The following ZNF804B variants were observed in gnomAD, a reference collection of about 807,000 sequenced individuals.
ZNF804B encodes zinc finger 804B.
In ZNF804B, 80 loss-of-function variants were observed where a neutral mutation model predicts 101.4. The observed-to-expected ratio is 0.79, with a 90% confidence interval of 0.66 to 0.95. The LOEUF is 0.95. Ranked by LOEUF, ZNF804B falls within the 40% of genes least tolerant of loss-of-function variation. The pLI, the probability that ZNF804B is intolerant of heterozygous loss-of-function variation, is 0.00. For missense variants in ZNF804B, 1,673 were observed against 1,561.9 expected, an observed-to-expected ratio of 1.07 and a Z score of -1.20; for synonymous variants, 622 against 558.8, an observed-to-expected ratio of 1.11 and a Z score of -1.59.
intron 1 of ZNF804B, among the ~76,000 whole-genome samples, chr7:88,991,397 G>T (rs186862614): frequency 8.1e-4 from 123 of 152,260 alleles, no homozygotes; most frequent in Admixed American, 9.2e-4. Context: ...AGATCCTCCG[G>T]GAGGTTCCTA....
At position 88,936,487 on chromosome 7, in the gene ZNF804B, G is replaced by A. The variant is rs905547663; in HGVS notation, c.108+176403G>A. The stretch of plus-strand genomic sequence containing the variant: ...GAAGCTTAAATAACCTCTTCATAGC[G>A]AAGAGGGAAATGGGGGATGTAGGCA... On this transcript the variant is annotated intron_variant, in intron 1 of 3. Transcript: ENST00000333190. Among the ~76,000 whole-genome samples, 7 of 152,168 alleles carry A rather than the reference G, an allele frequency of 4.6e-5. No individual in the cohort carries two copies. In the East Asian group the frequency reaches 7.8e-4, roughly 17 times the overall value.
At chr7:88,824,978 A>G (rs932768026) in intron 1 of ZNF804B, among the ~76,000 whole-genome samples, 1 of 152,196 alleles carries the variant, frequency 6.6e-6, no homozygotes, top group African/African-American at 2.4e-5. Context: ...GGAAATCCAA[A>G]TGATCCTGGC....
At chr7:89,071,504 A>G (rs2158142) in intron 1 of ZNF804B, among the ~76,000 whole-genome samples, 26,716 of 152,102 alleles carry the variant, frequency 0.18, 2,625 homozygotes, top group East Asian at 0.36. Flanking sequence ...TATAAAAAAT[A>G]TAAATGAAAC....
At chr7:89,168,311 ACT>A (rs1491234269) in intron 1 of ZNF804B, among the ~76,000 whole-genome samples, 1 of 133,872 alleles carries the variant, frequency 7.5e-6, no homozygotes, top group African/African-American at 2.6e-5. Flanking sequence ...ATGTGTGTGT[ACT>A]GTGTGTGTGT....
At chr7:89,274,070 A>G (rs1789938653) in intron 2 of ZNF804B, among the ~76,000 whole-genome samples, 1 of 152,104 alleles carries the variant, frequency 6.6e-6, no homozygotes, top group East Asian at 1.9e-4. Flanking sequence ...ACTGATGACT[A>G]TTCCACAACC....
intron 1 of ZNF804B, among the ~76,000 whole-genome samples, chr7:88,804,674 G>T (rs1790657723): frequency 6.6e-6 from 1 of 151,918 alleles, no homozygotes; most frequent in Non-Finnish European, 1.5e-5. Context: ...ATTATGATTG[G>T]AGTAATATCT....
At chr7:88,777,927 A>ATATATATATAATATATATATATATTTTC in intron 1 of ZNF804B, among the ~76,000 whole-genome samples, 2 of 151,942 alleles carry the variant, frequency 1.3e-5, no homozygotes, top group Non-Finnish European at 2.9e-5. Context: ...CTGAATATAT[A>ATATATATATAATATATATATATATTTTC]TGTATATATC....
intron 1 of ZNF804B, among the ~76,000 whole-genome samples, chr7:88,872,410 C>T (rs573902692): frequency 1.3e-5 from 2 of 152,084 alleles, no homozygotes; most frequent in South Asian, 4.2e-4. Flanking sequence ...GAGCAAGAAC[C>T]TCTCCCTAAA....
intron 1 of ZNF804B, among the ~76,000 whole-genome samples, chr7:89,104,781 A>T (rs1790110747): frequency 6.6e-6 from 1 of 151,536 alleles, no homozygotes; most frequent in Admixed American, 6.6e-5. Context: ...TAATGTTTTT[A>T]TTAATATTTG....
In ZNF804B at chr7:89,277,621, T is replaced by A. The variant is rs181386514; in HGVS notation, c.250-49723T>A. On this transcript the variant is annotated intron_variant, in intron 2 of 3. Transcript: ENST00000333190. ...GGTGTTTGGTTTTTTGTTCTTCCGA[T>A]ACTTTACTGAGAATGATGATTTCCA... Among the ~76,000 whole-genome samples, 561 of 150,932 alleles carry A rather than the reference T, an allele frequency of 3.7e-3. 3 individuals are homozygous for A. The highest frequency in any genetic ancestry group is 0.013 in the African/African-American group (538 of 40,940).
At chr7:89,311,328 A>G (rs1257735361) in intron 2 of ZNF804B, among the ~76,000 whole-genome samples, 1 of 151,970 alleles carries the variant, frequency 6.6e-6, no homozygotes, top group African/African-American at 2.4e-5. Flanking sequence ...ACATTCAAAC[A>G]CTCTCCACTT....
chr7:88,830,204 A>T (rs1426077667), intron 1 of ZNF804B, among the ~76,000 whole-genome samples: 2 of 152,134 alleles, frequency 1.3e-5, no homozygotes, highest in Non-Finnish European at 1.5e-5. Flanking sequence ...TGTTGCCAAA[A>T]GGCATTTAAG....
chr7:88,824,151 A>G (rs895813761), intron 1 of ZNF804B, among the ~76,000 whole-genome samples: 18 of 152,136 alleles, frequency 1.2e-4, no homozygotes, highest in African/African-American at 4.3e-4. Context: ...GACAAAAGAA[A>G]TGGGAGTGCT....
At chr7:88,784,158 A>G (rs1191812818) in intron 1 of ZNF804B, among the ~76,000 whole-genome samples, 1 of 152,184 alleles carries the variant, frequency 6.6e-6, no homozygotes, top group East Asian at 1.9e-4. Context: ...CAAAATTTAT[A>G]AATACAATGT....
At chr7:88,995,260 T>C (rs1483500328) in intron 1 of ZNF804B, among the ~76,000 whole-genome samples, 1 of 151,966 alleles carries the variant, frequency 6.6e-6, no homozygotes, top group East Asian at 1.9e-4. Context: ...TGGTAGAAAG[T>C]TGAACCTATA....
At chr7:89,199,944 A>T (rs1032832816) in intron 1 of ZNF804B, among the ~76,000 whole-genome samples, 7 of 148,536 alleles carry the variant, frequency 4.7e-5, no homozygotes, top group Non-Finnish European at 8.9e-5. Flanking sequence ...TGTATATGTT[A>T]TATATACACA....
chr7:88,853,116 C>T (rs1393199748), intron 1 of ZNF804B, among the ~76,000 whole-genome samples: 1 of 152,028 alleles, frequency 6.6e-6, no homozygotes, highest in African/African-American at 2.4e-5. Context: ...GTGTTTTTAT[C>T]CATATTCTGT....
At position 89,253,186 on chromosome 7, in the gene ZNF804B, G is replaced by C. The variant is rs562668942; in HGVS notation, c.249+34891G>C. On this transcript the variant is annotated intron_variant, in intron 2 of 3. Transcript: ENST00000333190. The stretch of plus-strand genomic sequence containing the variant: ...GAGCTTGCTTTAGAACAGAAATAAT[G>C]CTAAAAGTTAAAGCTAAGTATCCAA... 1.4e-4 allele frequency among the ~76,000 whole-genome samples: 22 copies of C among 152,132 alleles called. No individual in the cohort carries two copies. The East Asian group carries it at 3.9e-3, about 27-fold the overall frequency.
At chr7:89,329,138 A>G (rs962412120) in intron 3 of ZNF804B, among the ~76,000 whole-genome samples, 12 of 151,774 alleles carry the variant, frequency 7.9e-5, no homozygotes, top group Non-Finnish European at 1.6e-4. Flanking sequence ...AACAAACACA[A>G]ACCTAACCAC....
Sources: allele counts gnomAD v4.1 joint callset (sites outside exome capture counted in the v4.1 genomes callset), GRCh38; gene constraint gnomAD v4.1.1; transcripts MANE v1.5; gene names NCBI Gene and HGNC (gene_info 2026-07-23, HGNC 2026-07-21).